Variants in ACADS observed in about 807,000 individuals in gnomAD.
ACADS encodes acyl-CoA dehydrogenase short chain.
In ACADS, 28 loss-of-function variants were observed where a neutral mutation model predicts 46.8. That is an observed-to-expected ratio of 0.60 (90% CI 0.44 to 0.82). ACADS has a LOEUF of 0.82. Ranked by LOEUF, ACADS falls within the 40% of genes least tolerant of loss-of-function variation. The pLI, the probability that ACADS is intolerant of heterozygous loss-of-function variation, is 0.00. For synonymous variants in ACADS, 236 were observed against 237.7 expected (o/e 0.99, Z 0.07); for missense variants, 528 against 578.0 (o/e 0.91, Z 0.89).
intron 2 of ACADS, among the ~76,000 whole-genome samples, chr12:120,727,927 G>C (rs1324780890): frequency 1.3e-5 from 2 of 152,070 alleles, no homozygotes; most frequent in Non-Finnish European, 2.9e-5. Context: ...GCGGCAGCCT[G>C]CTCGACCTAT....
At chr12:120,734,811 G>A (rs1040327598) in intron 2 of ACADS, among the ~76,000 whole-genome samples, 8 of 150,056 alleles carry the variant, frequency 5.3e-5, no homozygotes, top group African/African-American at 7.4e-5. Flanking sequence ...GAGTGCAGTG[G>A]CGTGCTCTCG....
At chr12:120,733,850 CAAAAAAAAAA>C in intron 2 of ACADS, among the ~76,000 whole-genome samples, 1 of 119,690 alleles carries the variant, frequency 8.4e-6, no homozygotes, top group African/African-American at 3.0e-5. Context: ...CCATCTCTAC[CAAAAAAAAAA>C]AAAAAAAATA....
chr12:120,738,017 G>T (rs374777584), intron 5 of ACADS, 29 bp downstream of exon 5: 6 of 1,612,552 alleles, frequency 3.7e-6, no homozygotes, highest in South Asian at 1.1e-5. Context: ...GGGTTCAGCC[G>T]GATCCTGGGC....
Position 120,738,325 on chromosome 12 carries a change from T to C in ACADS, c.670T>C (p.Leu224=), listed in dbSNP as rs894172635. 11 of 1,613,960 alleles carry C rather than the reference T, an allele frequency of 6.8e-6. No homozygotes were observed. Among genetic ancestry groups the C allele is most frequent in the East Asian group, 2.2e-5 (1 of 44,882 alleles). ...CCCCATGCCAACGCCTGGGCTCACG[T>C]TGGGGAAGAAAGAAGACAAGCTGGG... The part of the protein sequence containing the change: ...LVPMPTPGLT[L]GKKEDKLGIR... The change falls in exon 6 of 10, where the codon TTG becomes CTG. Residue 224 remains leucine (L), a synonymous_variant. Transcript: ENST00000242592.
chr12:120,736,007 G>A (rs1434941695), intron 2 of ACADS, among the ~76,000 whole-genome samples: 6 of 131,254 alleles, frequency 4.6e-5, no homozygotes, highest in East Asian at 1.9e-4. Flanking sequence ...CCCTGTCCCC[G>A]TCCCTGTCCC....
rs764413160 is a variant in ACADS, at chr12:120,737,426, C to T, written c.431C>T (p.Thr144Ile). Reference sequence around the variant, plus strand: ...AAGCAGGCGTGGGTCACGCCTTTCACCAGTGGTGACAAAATTGGCTGCTTT... The same window carrying T: ...AAGCAGGCGTGGGTCACGCCTTTCATCAGTGGTGACAAAATTGGCTGCTTT... ...EQKQAWVTPF[T>I]SGDKIGCFAL... Residue 144 changes from threonine to isoleucine, a missense_variant, in exon 4 of 10, where the codon ACC becomes ATC. Thr to Ile is a moderately conservative substitution (Grantham distance 89). Coordinates refer to ENST00000242592, the MANE Select transcript of ACADS (RefSeq NM_000017.4). The T allele has an allele frequency of 1.2e-6, 2 of 1,614,180 alleles. No homozygotes were observed. The highest frequency in any genetic ancestry group is 4.5e-5 in the East Asian group (2 of 44,874).
At chr12:120,727,727 C>T (rs973546823) in intron 2 of ACADS, among the ~76,000 whole-genome samples, 3 of 152,048 alleles carry the variant, frequency 2.0e-5, no homozygotes, top group Non-Finnish European at 2.9e-5. Context: ...GTAAAGACGG[C>T]GTTTCACCAT....
intron 2 of ACADS, among the ~76,000 whole-genome samples, chr12:120,732,505 C>T (rs1394310292): frequency 2.7e-5 from 4 of 149,908 alleles, no homozygotes; most frequent in African/African-American, 9.8e-5. Flanking sequence ...CCTCACTTCT[C>T]GGGGCGGGCA....
rs639667 is a variant in ACADS, at chr12:120,739,948, G to A, written c.*500G>A. 0.012 allele frequency: 2,112 copies of A among 181,456 alleles called. 49 individuals carry two copies. The highest frequency in any genetic ancestry group is 0.047 in the African/African-American group (1,983 of 42,148). 11.2% of individuals were successfully genotyped at this position (181,456 alleles called of 1,614,324 possible). On this transcript the variant is annotated 3_prime_UTR_variant, in exon 10 of 10. Coordinates refer to ENST00000242592, the MANE Select transcript of ACADS (RefSeq NM_000017.4). ...TCAGCCCTTTGTAAAGTCTGATGAA[G>A]GCAGGGGTGGTGATTCATGCTGTGT...
chr12:120,727,338 T>C (rs1445913287), intron 2 of ACADS, 149 bp downstream of exon 2: 1 of 1,057,000 alleles, frequency 9.5e-7, no homozygotes, highest in African/African-American at 1.6e-5. Context: ...AAGTTTCCCT[T>C]GTCCAGCCTG....
At position 120,739,721 on chromosome 12, in the gene ACADS, C is replaced by T. The variant is rs369720260; in HGVS notation, c.*273C>T. 12 of 527,398 alleles carry T rather than the reference C, an allele frequency of 2.3e-5. No individual in the cohort carries two copies. The highest frequency in any genetic ancestry group is 1.9e-4 in the Admixed American group (6 of 31,400). 32.7% of individuals were successfully genotyped at this position (527,398 alleles called of 1,614,324 possible). Reference sequence around the variant, plus strand: ...GGGGCGGGGTTGTGGGGGGGCTGAGCGACACTCAGGGACACCTCAGTTGTC... The same window carrying T: ...GGGGCGGGGTTGTGGGGGGGCTGAGTGACACTCAGGGACACCTCAGTTGTC... On this transcript the variant is annotated 3_prime_UTR_variant, in exon 10 of 10. Coordinates refer to ENST00000242592, the MANE Select transcript of ACADS (RefSeq NM_000017.4).
At chr12:120,727,255 G>A (rs1228075014) in intron 2 of ACADS, 66 bp downstream of exon 2, 4 of 1,602,980 alleles carry the variant, frequency 2.5e-6, no homozygotes, top group Non-Finnish European at 3.4e-6. Context: ...AATGGTGGCA[G>A]TGACAGTCAG....
intron 2 of ACADS, among the ~76,000 whole-genome samples, chr12:120,736,458 G>T (rs1006866880): frequency 2.0e-5 from 3 of 152,222 alleles, no homozygotes; most frequent in Non-Finnish European, 4.4e-5. Context: ...AATTCCAGCC[G>T]CAGAAGTGCT....
intron 3 of ACADS, 68 bp downstream of exon 3, chr12:120,737,203 G>T: frequency 1.3e-6 from 2 of 1,546,804 alleles, no homozygotes; most frequent in South Asian, 1.2e-5. Flanking sequence ...GCAGGCTCTG[G>T]CCTCGGCTCC....
chr12:120,738,944 C>T, intron 8 of ACADS, 29 bp downstream of exon 8: 1 of 1,612,132 alleles, frequency 6.2e-7, no homozygotes, highest in Non-Finnish European at 8.5e-7. Context: ...GAGCCATGGC[C>T]CAGAATGTGG....
At chr12:120,733,236 GGGGAGA>G (rs377205641) in intron 2 of ACADS, among the ~76,000 whole-genome samples, 9,964 of 151,634 alleles carry the variant, frequency 0.066, 396 homozygotes, top group African/African-American at 0.1. Context: ...GGGAGACCGG[GGGGAGA>G]GGGAGAGGGA....
intron 2 of ACADS, among the ~76,000 whole-genome samples, chr12:120,730,597 G>A (rs765870625): frequency 3.3e-5 from 5 of 152,076 alleles, no homozygotes; most frequent in East Asian, 3.9e-4. Context: ...GCTACCTGTC[G>A]GGACGTGTGA....
rs1254199182 is a variant in ACADS, at chr12:120,739,282, T to C, written c.1087-14T>C. 2.5e-6 allele frequency: 4 copies of C among 1,612,846 alleles called. No homozygotes were observed. The highest frequency in any genetic ancestry group is 2.5e-6 in the Non-Finnish European group (3 of 1,179,940). On this transcript the variant is annotated splice_polypyrimidine_tract_variant and intron_variant, in intron 9 of 9. Transcript: ENST00000242592. ...CGGGGTCTTCTCCCTCCTGAGCCAC[T>C]GTTCTCATCTCAGGCCATCCAGATC...
chr12:120,735,128 C>T (rs1334591731), intron 2 of ACADS, among the ~76,000 whole-genome samples: 7 of 148,886 alleles, frequency 4.7e-5, no homozygotes, highest in Admixed American at 4.0e-4. Flanking sequence ...AAAAATTAGC[C>T]AGGTGTGGTG....
Sources: allele counts gnomAD v4.1 joint callset (sites outside exome capture counted in the v4.1 genomes callset), GRCh38; gene constraint gnomAD v4.1.1; transcripts MANE v1.5; gene names NCBI Gene and HGNC (gene_info 2026-07-23, HGNC 2026-07-21).